Variants in MAST2 observed in about 807,000 individuals in gnomAD.
MAST2 encodes microtubule associated serine/threonine kinase 2.
Under a neutral mutation model 147.4 loss-of-function variants are expected in MAST2, and 70 were observed. That is an observed-to-expected ratio of 0.47 (90% CI 0.39 to 0.58). The LOEUF is 0.58. Ranked by LOEUF, MAST2 falls within the 20% of genes least tolerant of loss-of-function variation. The pLI, the probability that MAST2 is intolerant of heterozygous loss-of-function variation, is 0.00. For synonymous variants in MAST2, 869 were observed against 896.8 expected (o/e 0.97, Z 0.55); for missense variants, 2,080 against 2,302.3 (o/e 0.90, Z 1.98).
chr1:45,828,431 C>T (rs755311155), intron 2 of MAST2, among the ~76,000 whole-genome samples: 4 of 152,050 alleles, frequency 2.6e-5, no homozygotes, highest in Non-Finnish European at 5.9e-5. Context: ...GGAGATGAGA[C>T]CAGAAAGATA....
chr1:46,012,194 A>G (rs549889845), intron 10 of MAST2, among the ~76,000 whole-genome samples: 1 of 152,368 alleles, frequency 6.6e-6, no homozygotes, highest in African/African-American at 2.4e-5. Flanking sequence ...AGAGACATAT[A>G]GGAATCAGGG....
In MAST2 at chr1:45,904,224, G is replaced by T. The variant is rs370591321; in HGVS notation, c.500+21829G>T. Among the ~76,000 whole-genome samples, 112 of 151,244 alleles carry T rather than the reference G, an allele frequency of 7.4e-4. 2 individuals carry two copies. The highest frequency in any genetic ancestry group is 2.6e-3 in the African/African-American group (109 of 41,192). Reference sequence around the variant, plus strand: ...GCTTACTCTTGTCCCCCAGGCTGGAGTGTGATGGCGTGATCTCAGCTCACT... The same window carrying T: ...GCTTACTCTTGTCCCCCAGGCTGGATTGTGATGGCGTGATCTCAGCTCACT... On this transcript the variant is annotated intron_variant, in intron 4 of 28. Coordinates refer to ENST00000361297, the MANE Select transcript of MAST2 (RefSeq NM_015112.3).
intron 3 of MAST2, among the ~76,000 whole-genome samples, chr1:45,835,013 C>T (rs1399565220): frequency 1.3e-5 from 2 of 151,758 alleles, no homozygotes; most frequent in African/African-American, 4.8e-5. Flanking sequence ...TCCATTTGTA[C>T]ACAGTTCTTA....
At chr1:45,896,563 G>A (rs1458088910) in intron 4 of MAST2, among the ~76,000 whole-genome samples, 1 of 152,088 alleles carries the variant, frequency 6.6e-6, no homozygotes, top group Non-Finnish European at 1.5e-5. Flanking sequence ...CAGGTGTAGG[G>A]TGGAACTCTC....
chr1:45,908,094 CAAAG>C (rs890333264), intron 4 of MAST2, among the ~76,000 whole-genome samples: 16 of 151,514 alleles, frequency 1.1e-4, no homozygotes, highest in Admixed American at 6.6e-4. Flanking sequence ...TTAATATTGT[CAAAG>C]AACCAATTTT....
rs1229454084 is a variant in MAST2, at chr1:45,843,051, G to A, written c.468+13470G>A. ...GTTCTGTAATGACTAATGATGTTGA[G>A]CATCTTTTCATGTGTTTTTTGACCA... is the stretch of plus-strand genomic sequence containing the variant. On this transcript the variant is annotated intron_variant, in intron 3 of 28. Transcript: ENST00000361297. Among the ~76,000 whole-genome samples the A allele has an allele frequency of 2.0e-5, 3 of 152,188 alleles. No homozygotes were observed. In the East Asian group the frequency reaches 5.8e-4, roughly 29 times the overall value.
chr1:45,912,577 G>A (rs1397652929), intron 4 of MAST2, among the ~76,000 whole-genome samples: 1 of 152,142 alleles, frequency 6.6e-6, no homozygotes, highest in Admixed American at 6.5e-5. Flanking sequence ...TTAGTCCTTT[G>A]AACATTACCC....
intron 3 of MAST2, among the ~76,000 whole-genome samples, chr1:45,877,208 G>A (rs1488429227): frequency 6.6e-6 from 1 of 152,202 alleles, no homozygotes; most frequent in African/African-American, 2.4e-5. Flanking sequence ...CATGGTGGAG[G>A]ATGGAAAGGC....
At chr1:46,024,291 C>T (rs1646310971) in intron 15 of MAST2, 1 of 356,654 alleles carries the variant, frequency 2.8e-6, no homozygotes, top group South Asian at 2.8e-5. Context: ...AGCAGAGCTA[C>T]AAAAGCCCAG....
chr1:45,980,245 A>G (rs1644346693), intron 5 of MAST2, among the ~76,000 whole-genome samples: 1 of 130,398 alleles, frequency 7.7e-6, no homozygotes, highest in African/African-American at 2.9e-5. Flanking sequence ...ACTGCACTCC[A>G]GCCTGGGCAA....
In MAST2 at chr1:46,022,034, C is replaced by G. The variant is rs201214757; in HGVS notation, c.1375C>G (p.Pro459Ala). The change falls in exon 12 of 29, where the codon CCC (proline) becomes GCC (alanine). Residue 459 changes from proline to alanine, a missense_variant. By Grantham distance (27) the Pro-to-Ala change is conservative (BLOSUM62 -1). Transcript: ENST00000361297. ...KEGQGIKCDIPRYIVSQLGLT... is the reference protein window; with the variant it reads ...KEGQGIKCDIARYIVSQLGLT... ...GGGACAAGGGATTAAATGTGACATT[C>G]CCCGCTACATCGTTAGCCAGCTGGG... 35 of 1,614,076 alleles carry G rather than the reference C, an allele frequency of 2.2e-5. No homozygotes were observed. Among genetic ancestry groups the G allele is most frequent in the Non-Finnish European group, 2.8e-5 (33 of 1,180,036 alleles).
chr1:46,032,520 C>T, intron 25 of MAST2, 76 bp from the exon 26 acceptor site: 1 of 1,597,878 alleles, frequency 6.3e-7, no homozygotes, highest in South Asian at 1.1e-5. Flanking sequence ...AAGGGGCTCA[C>T]AGCTTAATGT....
At chr1:45,883,709 C>T (rs1646943343) in intron 4 of MAST2, among the ~76,000 whole-genome samples, 1 of 151,002 alleles carries the variant, frequency 6.6e-6, no homozygotes. Context: ...TTAAGAGGCA[C>T]ATTTTAAATT....
chr1:45,827,070 C>T (rs753222168), intron 2 of MAST2, among the ~76,000 whole-genome samples: 13 of 151,852 alleles, frequency 8.6e-5, no homozygotes, highest in Admixed American at 3.9e-4. Context: ...CCTCGTGATC[C>T]GCCTGCCTCG....
intron 3 of MAST2, among the ~76,000 whole-genome samples, chr1:45,836,261 C>G (rs747366713): frequency 6.6e-6 from 1 of 152,056 alleles, no homozygotes; most frequent in Non-Finnish European, 1.5e-5. Flanking sequence ...CAGTACTTTT[C>G]TGTGTTTTTG....
In MAST2 at chr1:46,035,605, C is replaced by T. The variant is rs752523126; in HGVS notation, c.4936C>T (p.Pro1646Ser). The change falls in exon 29 of 29, where the codon CCC becomes TCC. Residue 1646 changes from proline to serine, a missense_variant. This residue lies in a region of MAST2 where 1,278 missense variants were observed against 1,304.2 expected (regional missense o/e 0.98). Transcript: ENST00000361297. This position sits in a 1 kb window ranked among gnomAD's most constrained non-coding sequence, Gnocchi z 5.5. ...CACCCCCACCAGCAGTTGCTCTCCT[C>T]CCAGCTCCACCTCTGGGAAGCTGAG... ...GLTPTSSCSP[P>S]SSTSGKLSMW... The T allele has an allele frequency of 6.2e-7, 1 of 1,613,880 alleles. No homozygotes were observed. The highest frequency in any genetic ancestry group is 8.5e-7 in the Non-Finnish European group (1 of 1,180,006).
chr1:45,892,306 G>T (rs1434064084), intron 4 of MAST2, among the ~76,000 whole-genome samples: 1 of 152,168 alleles, frequency 6.6e-6, no homozygotes, highest in East Asian at 1.9e-4. Flanking sequence ...TGTGATTTAG[G>T]AATGTTTCAT....
intron 2 of MAST2, among the ~76,000 whole-genome samples, chr1:45,825,842 C>T (rs1276140864): frequency 6.6e-6 from 1 of 151,712 alleles, no homozygotes; most frequent in African/African-American, 2.4e-5. Context: ...TTTGGGAGAC[C>T]AAGGCAGGCA....
At chr1:45,932,689 C>G (rs182709196) in intron 4 of MAST2, among the ~76,000 whole-genome samples, 1 of 152,088 alleles carries the variant, frequency 6.6e-6, no homozygotes, top group Admixed American at 6.5e-5. Context: ...GCCCCCTCCC[C>G]ACTCCAAAAA....
Sources: gnomAD v4.1 joint callset for allele counts (sites outside exome capture counted in the v4.1 genomes callset) on GRCh38, gnomAD v4.1.1 for gene constraint, gnomAD v4.1.1 regional missense constraint, Gnocchi (gnomAD v3.1) non-coding constraint, MANE v1.5 for transcripts, NCBI Gene and HGNC (gene_info 2026-07-23, HGNC 2026-07-21) for gene names.